Variants in KCNN2 observed in about 807,000 individuals in gnomAD.
KCNN2 encodes potassium calcium-activated channel subfamily N member 2, also known as small conductance calcium-activated potassium channel protein 2.
Under a neutral mutation model 55.5 loss-of-function variants are expected in KCNN2, and 24 were observed. The observed-to-expected ratio is 0.43, with a 90% CI of 0.31 to 0.61. KCNN2 has a LOEUF of 0.61. Ranked by LOEUF, KCNN2 falls within the 20% of genes least tolerant of loss-of-function variation. KCNN2 has a pLI of 0.08. For synonymous variants in KCNN2, 431 were observed against 336.1 expected, an observed-to-expected ratio of 1.28 and a Z score of -3.09; for missense variants, 754 against 853.6, an observed-to-expected ratio of 0.88 and a Z score of 1.45.
intron 2 of KCNN2, among the ~76,000 whole-genome samples, chr5:114,395,597 G>A (rs892877763): frequency 2.0e-5 from 3 of 152,204 alleles, no homozygotes; most frequent in Non-Finnish European, 4.4e-5. Context: ...TATATGGACT[G>A]TAATGAGAAT....
intron 2 of KCNN2, among the ~76,000 whole-genome samples, chr5:114,356,007 A>T (rs1438380404): frequency 6.6e-6 from 1 of 152,152 alleles, no homozygotes; most frequent in African/African-American, 2.4e-5. Context: ...AGGATCAGAG[A>T]AACGAAAAAG....
At chr5:114,164,826 G>A (rs1294378309) in intron 1 of KCNN2, among the ~76,000 whole-genome samples, 4 of 152,110 alleles carry the variant, frequency 2.6e-5, no homozygotes, top group Non-Finnish European at 5.9e-5. Context: ...TCTGATGAAG[G>A]CTTTTTATAC....
intron 1 of KCNN2, among the ~76,000 whole-genome samples, chr5:114,194,330 T>A (rs115065908): frequency 0.03 from 4,551 of 152,198 alleles, 233 homozygotes; most frequent in African/African-American, 0.1. Flanking sequence ...ATGTATAAAG[T>A]TTCCAATTTC....
At chr5:114,298,478 C>T (rs2150021195) in intron 2 of KCNN2, among the ~76,000 whole-genome samples, 1 of 152,290 alleles carries the variant, frequency 6.6e-6, no homozygotes, top group South Asian at 2.1e-4. Flanking sequence ...CCTAAGTGAT[C>T]ACCAGGAGAT....
intron 2 of KCNN2, among the ~76,000 whole-genome samples, chr5:114,298,380 A>G (rs1033925583): frequency 1.3e-5 from 2 of 152,130 alleles, no homozygotes; most frequent in African/African-American, 4.8e-5. Context: ...AGCCTGGTGA[A>G]CCCTCCTGGC....
At chr5:114,376,538 T>A (rs530142149) in intron 2 of KCNN2, among the ~76,000 whole-genome samples, 4 of 152,182 alleles carry the variant, frequency 2.6e-5, no homozygotes, top group African/African-American at 9.6e-5. Flanking sequence ...GGGAGGCTGA[T>A]GGTGAGAAAC....
rs138239093 is a variant in KCNN2 at position 114,095,233 on chromosome 5, A to T, written c.-271+38733A>T. On this transcript the variant is annotated intron_variant, in intron 1 of 10. Coordinates refer to the KCNN2 transcript ENST00000512097. ...TCACTGTGTTTCAGGGAGAGAGAGG[A>T]AGCAGAATTTGGCTAAATAAATACC... Among the ~76,000 whole-genome samples the T allele has an allele frequency of 1.7e-3, 254 of 152,186 alleles. 3 individuals are homozygous for T. The East Asian group carries it at 0.024, about 14-fold the overall frequency.
chr5:114,371,292 A>G (rs963403060), intron 2 of KCNN2, among the ~76,000 whole-genome samples: 4 of 152,206 alleles, frequency 2.6e-5, no homozygotes, highest in African/African-American at 9.6e-5. Flanking sequence ...TTTGGGAGTT[A>G]TCAGCACAGA....
At chr5:114,493,096 G>A (rs2199218) in intron 6 of KCNN2, among the ~76,000 whole-genome samples, 4 of 152,184 alleles carry the variant, frequency 2.6e-5, no homozygotes, top group Middle Eastern at 3.4e-3. Flanking sequence ...GGGGCTTTAA[G>A]GAATGTTTTG....
intron 5 of KCNN2, among the ~76,000 whole-genome samples, chr5:114,477,057 A>G (rs1486865113): frequency 1.5e-5 from 1 of 65,998 alleles, no homozygotes; most frequent in Non-Finnish European, 4.9e-5. Flanking sequence ...GAGATCTAAA[A>G]ACCATACCTA....
At chr5:114,115,895 A>C (rs1360240567) in intron 1 of KCNN2, among the ~76,000 whole-genome samples, 1 of 152,074 alleles carries the variant, frequency 6.6e-6, no homozygotes, top group African/African-American at 2.4e-5. Context: ...TGTTGGCAGG[A>C]ATTTCTTTCT....
intron 2 of KCNN2, chr5:114,253,691 T>C (rs1754926122): frequency 6.6e-6 from 1 of 152,238 alleles, no homozygotes; most frequent in African/African-American, 2.4e-5. Context: ...AGTAGCTGCG[T>C]TCCCCTGCTG....
At chr5:114,375,537 C>T (rs562096326) in intron 2 of KCNN2, among the ~76,000 whole-genome samples, 2 of 152,188 alleles carry the variant, frequency 1.3e-5, no homozygotes, top group African/African-American at 4.8e-5. Flanking sequence ...GTCAGTTTGT[C>T]TCTTGAGGTG....
At position 114,495,939 on chromosome 5, in the gene KCNN2, G is replaced by A. The variant is rs866516828; in HGVS notation, c.2133G>A (p.Arg711=). ...ATATGATTTCTGACTTAAACGAAAG[G>A]AGTGAAGACTTCGAGAAGAGGATTG... The part of the protein sequence containing the change: ...MYDMISDLNE[R]SEDFEKRIVT... The change falls in exon 8 of 8, where the codon AGG becomes AGA. Residue 711 remains arginine (R), a synonymous_variant. Transcript: ENST00000673685. The A allele has an allele frequency of 3.0e-5, 49 of 1,613,886 alleles. No homozygotes were observed. The highest frequency in any genetic ancestry group is 3.9e-5 in the Non-Finnish European group (46 of 1,179,950).
rs1017923044 is a variant in KCNN2, at chr5:114,259,040, TG to T, written c.-185+37476del. Among the ~76,000 whole-genome samples the T allele has an allele frequency of 1.8e-4, 28 of 152,168 alleles. 2 individuals carry two copies. The highest frequency in any genetic ancestry group is 6.5e-4 in the African/African-American group (27 of 41,436). On this transcript the variant is annotated intron_variant, in intron 2 of 10. Transcript: ENST00000512097. ...TAGCCACTATGGTTGTGTCTATAGC[TG>T]TCAGGGGCCCAGCACAGAAGCCACT...
chr5:114,419,495 T>C (rs1759410135), intron 3 of KCNN2, among the ~76,000 whole-genome samples: 1 of 152,218 alleles, frequency 6.6e-6, no homozygotes. Context: ...TTGTTATAGC[T>C]TAAATCTGGA....
intron 1 of KCNN2, among the ~76,000 whole-genome samples, chr5:114,206,419 T>A (rs1753777307): frequency 6.6e-6 from 1 of 152,148 alleles, no homozygotes; most frequent in Non-Finnish European, 1.5e-5. Context: ...AGCTCCTGAA[T>A]CCATGATTTC....
intron 1 of KCNN2, among the ~76,000 whole-genome samples, chr5:114,136,374 T>G (rs960871966): frequency 6.6e-6 from 1 of 152,198 alleles, no homozygotes; most frequent in Non-Finnish European, 1.5e-5. Context: ...CACAGAGGGC[T>G]TTGCCAGATG....
chr5:114,162,299 G>A (rs1177888156), intron 1 of KCNN2, among the ~76,000 whole-genome samples: 2 of 152,182 alleles, frequency 1.3e-5, no homozygotes, highest in Non-Finnish European at 2.9e-5. Flanking sequence ...TATCAGCAGT[G>A]GTGGCTGCAG....
Sources: gnomAD v4.1 joint callset for allele counts (sites outside exome capture counted in the v4.1 genomes callset) on GRCh38, gnomAD v4.1.1 for gene constraint, MANE v1.5 for transcripts, NCBI Gene and HGNC (gene_info 2026-07-23, HGNC 2026-07-21) for gene names.